The following GPHN variants were observed in gnomAD, a reference collection of about 807,000 sequenced individuals.
GPHN encodes gephyrin.
GPHN carries 17 observed loss-of-function variants against 95.5 expected under a neutral mutation model. That is an observed-to-expected ratio of 0.18 (90% confidence interval 0.12 to 0.27). The LOEUF is 0.27. GPHN is among the 10% of genes least tolerant of loss of function. The probability of loss-of-function intolerance (pLI) is 1.00; values close to 1 mark genes in which losing one functional copy is unlikely to be tolerated. For missense variants in GPHN, 660 were observed against 978.1 expected (o/e 0.67, Z 4.34); for synonymous variants, 320 against 322.5 (o/e 0.99, Z 0.08).
At chr14:67,179,342 TGCCACTGCACTCCA>T (rs2083199089) in intron 21 of GPHN, among the ~76,000 whole-genome samples, 1 of 152,296 alleles carries the variant, frequency 6.6e-6, no homozygotes, top group African/African-American at 2.4e-5. Flanking sequence ...GCTATGATCA[TGCCACTGCACTCCA>T]GCCTGGGTAA....
At chr14:66,905,992 CTTTT>C in intron 5 of GPHN, among the ~76,000 whole-genome samples, 3 of 134,464 alleles carry the variant, frequency 2.2e-5, no homozygotes, top group African/African-American at 8.3e-5. Context: ...TGATTCGAGG[CTTTT>C]TTTTTTTTTT....
At chr14:67,233,314 G>C in the GPHN span, among the ~76,000 whole-genome samples, 1 of 151,948 alleles carries the variant, frequency 6.6e-6, no homozygotes. Flanking sequence ...GCTAAATTTT[G>C]TATTTTTTGT....
chr14:66,570,557 C>T (rs972808457), intron 1 of GPHN, among the ~76,000 whole-genome samples: 3 of 150,096 alleles, frequency 2.0e-5, no homozygotes, highest in Admixed American at 1.3e-4. Context: ...CCACCTGCCT[C>T]GGCCTCCCAA....
At chr14:67,611,049 C>T in the GPHN span, 1 of 156,982 alleles carries the variant, frequency 6.4e-6, no homozygotes. Flanking sequence ...GAACGAGGTG[C>T]ACGTGGGCCA....
chr14:66,876,965 C>T lies in GPHN; in HGVS notation c.295-2974C>T, dbSNP rs141274429. ...AAAAAAAATTTCAGGCCAATATCCC[C>T]GAGGAACATGGATGCATAAATCCTC... On this transcript the variant is annotated intron_variant, in intron 4 of 22. Coordinates refer to ENST00000478722, the MANE Select transcript of GPHN (RefSeq NM_020806.5). Among the ~76,000 whole-genome samples, 900 of 152,124 alleles carry T rather than the reference C, an allele frequency of 5.9e-3. 4 individuals are homozygous for T. The highest frequency in any genetic ancestry group is 0.014 in the Middle Eastern group (4 of 294).
At chr14:66,836,287 C>T (rs61989624) in intron 4 of GPHN, among the ~76,000 whole-genome samples, 2 of 136,580 alleles carry the variant, frequency 1.5e-5, no homozygotes, top group South Asian at 2.3e-4. Context: ...GAAATAACAC[C>T]GCATATCTAC....
chr14:67,006,334 G>A (rs576459660), intron 9 of GPHN, among the ~76,000 whole-genome samples: 17 of 152,070 alleles, frequency 1.1e-4, no homozygotes, highest in South Asian at 2.1e-4. Flanking sequence ...GTCTATTTTC[G>A]AAATTTTGTT....
intron 17 of GPHN, among the ~76,000 whole-genome samples, chr14:67,129,830 G>A (rs1315166332): frequency 1.4e-5 from 2 of 146,128 alleles, no homozygotes; most frequent in Non-Finnish European, 3.1e-5. Flanking sequence ...AAGGAAGGGA[G>A]AGGGAGGGAG....
the GPHN span, chr14:67,734,089 C>T: frequency 2.5e-6 from 1 of 393,914 alleles, no homozygotes; most frequent in Non-Finnish European, 4.9e-6. Context: ...AAGTCAGCAA[C>T]CCTCTGGGGG....
chr14:67,426,662 G>A, the GPHN span, among the ~76,000 whole-genome samples: 124 of 152,202 alleles, frequency 8.1e-4, 1 homozygote, highest in African/African-American at 2.9e-3. Context: ...CGCAACCTCC[G>A]CCTCCTGGAT....
chr14:66,873,378 A>G (rs2063522703), intron 4 of GPHN, among the ~76,000 whole-genome samples: 1 of 152,168 alleles, frequency 6.6e-6, no homozygotes. Flanking sequence ...GTTTTTTTTC[A>G]TAACCCAGTG....
chr14:66,539,141 G>A (rs957124119), intron 1 of GPHN, among the ~76,000 whole-genome samples: 8 of 152,020 alleles, frequency 5.3e-5, no homozygotes, highest in Non-Finnish European at 7.4e-5. Flanking sequence ...AGATTAGCCC[G>A]GTAATCTCTT....
the GPHN span, chr14:67,581,098 A>G: frequency 9.6e-7 from 1 of 1,040,784 alleles, no homozygotes; most frequent in Non-Finnish European, 1.5e-6. Flanking sequence ...GTGCCAGCTC[A>G]TCGCCTCCTC....
the GPHN span, chr14:67,691,044 G>A: frequency 1.2e-6 from 1 of 811,190 alleles, no homozygotes; most frequent in South Asian, 1.4e-5. Flanking sequence ...TGGTCCTGAG[G>A]TTCAATCACA....
intron 1 of GPHN, among the ~76,000 whole-genome samples, chr14:66,536,121 G>A (rs2059132671): frequency 6.6e-6 from 1 of 151,456 alleles, no homozygotes; most frequent in Non-Finnish European, 1.5e-5. Context: ...TTTCTTTTTT[G>A]AAAAAAATTT....
At chr14:67,316,126 C>T in the GPHN span, among the ~76,000 whole-genome samples, 22 of 152,244 alleles carry the variant, frequency 1.4e-4, no homozygotes, top group African/African-American at 4.3e-4. Context: ...GGAACCTCAA[C>T]GTAATTCAGA....
chr14:66,946,361 AG>A, intron 8 of GPHN, among the ~76,000 whole-genome samples: 1 of 152,308 alleles, frequency 6.6e-6, no homozygotes, highest in Non-Finnish European at 1.5e-5. Flanking sequence ...AAACCAGCCA[AG>A]AAAGCCATCA....
At chr14:66,733,988 C>T (rs2072031726) in intron 2 of GPHN, among the ~76,000 whole-genome samples, 1 of 152,136 alleles carries the variant, frequency 6.6e-6, no homozygotes, top group Non-Finnish European at 1.5e-5. Context: ...CCCATTAGCT[C>T]CTTCTCCAAA....
intron 5 of GPHN, among the ~76,000 whole-genome samples, chr14:66,905,376 G>A (rs1421669568): frequency 6.6e-6 from 1 of 151,834 alleles, no homozygotes; most frequent in East Asian, 1.9e-4. Flanking sequence ...CTACTATTTT[G>A]AGCTCTTGGT....
Sources: gnomAD v4.1 joint callset for allele counts (sites outside exome capture counted in the v4.1 genomes callset) on GRCh38, gnomAD v4.1.1 for gene constraint, MANE v1.5 for transcripts, NCBI Gene and HGNC (gene_info 2026-07-23, HGNC 2026-07-21) for gene names.